Variants in DNAH10 observed in about 807,000 individuals in gnomAD.
The protein encoded by DNAH10 is dynein axonemal heavy chain 10.
DNAH10 carries 348 observed loss-of-function variants against 506.6 expected under a neutral mutation model. The ratio of observed to expected loss-of-function variants is 0.69; its 90% confidence interval spans 0.63 to 0.75. The LOEUF is 0.75. DNAH10 is among the 30% of genes least tolerant of loss of function. The pLI is 0.00. For missense variants in DNAH10, 5,179 were observed against 5,787.1 expected (o/e 0.89, Z 3.41); for synonymous variants, 2,059 against 2,198.6 (o/e 0.94, Z 1.78).
chr12:123,794,621 G>A (rs1594043395), intron 12 of DNAH10, among the ~76,000 whole-genome samples: 1 of 152,040 alleles, frequency 6.6e-6, no homozygotes, highest in Non-Finnish European at 1.5e-5. Flanking sequence ...CGAGGCCAGC[G>A]GATTGCTTGA....
chr12:123,917,571 C>T lies in DNAH10; in HGVS notation c.11003-13C>T. 1 of 1,549,950 alleles carries T rather than the reference C, an allele frequency of 6.5e-7. No individual in the cohort carries two copies. On this transcript the variant is annotated splice_polypyrimidine_tract_variant and intron_variant, in intron 63 of 78. Coordinates refer to ENST00000673944, the MANE Select transcript of DNAH10 (RefSeq NM_001372106.1). This position sits in a 1 kb window ranked among gnomAD's most constrained non-coding sequence, Gnocchi z 5.6. Reference sequence around the variant, plus strand: ...GGCCGCAGGTGGTGAGGGCCTCTCACTGTCCCCCACAGTCACGCTGAAGGG... The same window carrying T: ...GGCCGCAGGTGGTGAGGGCCTCTCATTGTCCCCCACAGTCACGCTGAAGGG...
In DNAH10 at chr12:123,830,531, C is replaced by G. The variant is rs1594133102; in HGVS notation, c.4392-15C>G. On this transcript the variant is annotated splice_polypyrimidine_tract_variant and intron_variant, in intron 25 of 78. Transcript: ENST00000673944. ...TTCAGTAAGCATAAAGATTTGAATG[C>G]TGATGTGCTTTCAGGCATTGGAAAG... 3.7e-6 allele frequency: 6 copies of G among 1,609,228 alleles called. No individual in the cohort carries two copies. In the East Asian group the frequency reaches 1.3e-4, roughly 36 times the overall value.
chr12:123,818,149 G>A (rs952293650), intron 21 of DNAH10, among the ~76,000 whole-genome samples: 7 of 151,898 alleles, frequency 4.6e-5, no homozygotes, highest in South Asian at 2.1e-4. Flanking sequence ...ATTTCTCCAC[G>A]TTGGTCAGGC....
At chr12:123,929,210 T>C in intron 70 of DNAH10, 65 bp from the exon 71 acceptor site, 1 of 1,495,482 alleles carries the variant, frequency 6.7e-7, no homozygotes, top group Non-Finnish European at 9.1e-7. Flanking sequence ...GCCTGCATTG[T>C]GCACACTCTT....
rs1056012243 is a variant in DNAH10 at position 123,878,022 on chromosome 12, C to T, written c.8372+114C>T. ...ATGAATCGTTGTATGAATTAATTACCCAATGTCTTTGCTTATGTTGAAGAA... is the reference window on the plus strand; with the variant it reads ...ATGAATCGTTGTATGAATTAATTACTCAATGTCTTTGCTTATGTTGAAGAA... On this transcript the variant is annotated intron_variant, in intron 48 of 78. Coordinates refer to ENST00000673944, the MANE Select transcript of DNAH10 (RefSeq NM_001372106.1). The T allele has an allele frequency of 8.3e-6, 11 of 1,322,378 alleles. No homozygotes were observed. In the African/African-American group the frequency reaches 1.6e-4, roughly 20 times the overall value. 81.9% of individuals were successfully genotyped at this position (1,322,378 alleles called of 1,614,324 possible). A position where few individuals can be genotyped will look rare whatever the true frequency, so the allele number is the denominator to read the frequency against.
At position 123,931,853 on chromosome 12, in the gene DNAH10, C is replaced by T. The variant is rs1955227187; in HGVS notation, c.13128+6C>T. On this transcript the variant is annotated splice_donor_region_variant and intron_variant, in intron 75 of 78. Transcript: ENST00000673944. Reference sequence around the variant, plus strand: ...CTCTGGCTGAACTTCAAAGGGTGAGCCTGTCTCTCATGTGCAGATTACTGC... The same window carrying T: ...CTCTGGCTGAACTTCAAAGGGTGAGTCTGTCTCTCATGTGCAGATTACTGC... 3 of 1,613,680 alleles carry T rather than the reference C, an allele frequency of 1.9e-6. No homozygotes were observed. The highest frequency in any genetic ancestry group is 3.3e-5 in the Admixed American group (2 of 60,000).
chr12:123,861,230 T>G (rs1951599167), intron 39 of DNAH10, 60 bp downstream of exon 39: 3 of 1,575,076 alleles, frequency 1.9e-6, no homozygotes, highest in African/African-American at 2.7e-5. Context: ...AGCTCAACAT[T>G]AAAAACGGTG....
Position 123,772,887 on chromosome 12 carries a change from T to C in DNAH10, c.450T>C (p.Pro150=), listed in dbSNP as rs771911460. 2 of 1,613,088 alleles carry C rather than the reference T, an allele frequency of 1.2e-6. No individual in the cohort carries two copies. Among genetic ancestry groups the C allele is most frequent in the Non-Finnish European group, 1.7e-6 (2 of 1,179,582 alleles). The change falls in exon 4 of 79, where the codon CCT becomes CCC. Residue 150 remains proline (P), a synonymous_variant. Transcript: ENST00000673944. Reference sequence around the variant, plus strand: ...TGCATCTCCACATGCTCTGTACCCCTCTTCCCGAGGAGTTCCTGGACCAAA... The same window carrying C: ...TGCATCTCCACATGCTCTGTACCCCCCTTCCCGAGGAGTTCCTGGACCAAA... ...EKMHLHMLCT[P]LPEEFLDQNV...
At position 123,845,748 on chromosome 12, in the gene DNAH10, A is replaced by G. The variant is rs749500617; in HGVS notation, c.5509A>G (p.Ile1837Val). ...KNYGRKMHRQ[I>V]DELVTRITMP... The stretch of plus-strand genomic sequence containing the variant: ...CTATGGCAGGAAAATGCACCGGCAG[A>G]TCGATGAGTTGGTAACGCGCATCAC... Residue 1837 changes from isoleucine (I) to valine (V), a missense_variant, in exon 31 of 79, where the codon ATC becomes GTC. Around this residue, in one of 3 missense-constraint regions of DNAH10, gnomAD observed 4,844 missense variants for 5,430.5 expected, o/e 0.89. Coordinates refer to ENST00000673944, the MANE Select transcript of DNAH10 (RefSeq NM_001372106.1). The G allele has an allele frequency of 1.9e-6, 3 of 1,613,918 alleles. No individual in the cohort carries two copies. The highest frequency in any genetic ancestry group is 1.7e-5 in the Admixed American group (1 of 60,002).
At chr12:123,763,021 T>TC (rs1956887059) in intron 1 of DNAH10, among the ~76,000 whole-genome samples, 1 of 152,086 alleles carries the variant, frequency 6.6e-6, no homozygotes, top group African/African-American at 2.4e-5. Context: ...TCACTGTCAC[T>TC]CTCCTTGACG....
intron 29 of DNAH10, among the ~76,000 whole-genome samples, chr12:123,839,232 C>CA (rs1241074688): frequency 1.2e-4 from 18 of 146,334 alleles, no homozygotes; most frequent in Non-Finnish European, 1.7e-4. Context: ...AAAAAAAAAA[C>CA]AAAAAAACCA....
At chr12:123,813,077 A>G (rs1959003080) in intron 19 of DNAH10, 87 bp from the exon 20 acceptor site, 2 of 897,592 alleles carry the variant, frequency 2.2e-6, no homozygotes, top group Non-Finnish European at 3.4e-6. Flanking sequence ...CATTACTGGC[A>G]AGACTTATTA....
chr12:123,923,368 G>A (rs1388279376), intron 65 of DNAH10: 1 of 156,796 alleles, frequency 6.4e-6, no homozygotes, highest in African/African-American at 2.4e-5. Flanking sequence ...CTGGCCCTTT[G>A]TAGAAAGTTT....
chr12:123,824,631 G>A (rs775092403), intron 24 of DNAH10, among the ~76,000 whole-genome samples: 4 of 152,090 alleles, frequency 2.6e-5, no homozygotes, highest in African/African-American at 7.2e-5. Context: ...GCAGGGCCAC[G>A]ATCACTCTGG....
intron 62 of DNAH10, among the ~76,000 whole-genome samples, chr12:123,915,867 T>A (rs1393461146): frequency 1.3e-5 from 2 of 152,204 alleles, no homozygotes; most frequent in African/African-American, 4.8e-5. Flanking sequence ...TGTTTTCAGT[T>A]CTCTTGGGGC....
At chr12:123,879,977 C>T (rs910447039) in intron 50 of DNAH10, among the ~76,000 whole-genome samples, 176 bp downstream of exon 50, 13 of 152,152 alleles carry the variant, frequency 8.5e-5, no homozygotes, top group African/African-American at 2.2e-4. Flanking sequence ...TTGGGAGTGA[C>T]GTTAGGAAAT....
At chr12:123,766,975 G>A (rs1447426331) in intron 1 of DNAH10, among the ~76,000 whole-genome samples, 2 of 145,936 alleles carry the variant, frequency 1.4e-5, no homozygotes, top group African/African-American at 2.5e-5. Flanking sequence ...GTGTGATCTC[G>A]GCTCACTGCA....
chr12:123,784,214 T>G, intron 8 of DNAH10, 37 bp downstream of exon 8: 1 of 1,573,820 alleles, frequency 6.4e-7, no homozygotes, highest in Non-Finnish European at 8.7e-7. Flanking sequence ...GTCAGCTCTG[T>G]CAAAGAGATT....
Position 123,845,937 on chromosome 12 carries a change from G to A in DNAH10, c.5631-34G>A, listed in dbSNP as rs192492535. The A allele has an allele frequency of 1.2e-4, 195 of 1,613,232 alleles. No individual in the cohort carries two copies. The African/African-American group carries it at 2.1e-3, about 17-fold the overall frequency. Reference sequence around the variant, plus strand: ...TTGTGGTCCGCTGATCTGTCTCAACGGTTTCCACTTCCTCCACCTTTCTTG... The same window carrying A: ...TTGTGGTCCGCTGATCTGTCTCAACAGTTTCCACTTCCTCCACCTTTCTTG... On this transcript the variant is annotated intron_variant, in intron 31 of 78. Transcript: ENST00000673944.
Sources: gnomAD v4.1 joint callset for allele counts (sites outside exome capture counted in the v4.1 genomes callset) on GRCh38, gnomAD v4.1.1 for gene constraint, gnomAD v4.1.1 regional missense constraint, Gnocchi (gnomAD v3.1) non-coding constraint, MANE v1.5 for transcripts, NCBI Gene and HGNC (gene_info 2026-07-23, HGNC 2026-07-21) for gene names.